SEMA5A: variants seen among roughly 807,000 people sequenced by gnomAD.
SEMA5A encodes the protein semaphorin-5A.
In SEMA5A, 55 loss-of-function variants were observed where a neutral mutation model predicts 135.5. The observed-to-expected ratio is 0.41, with a 90% CI of 0.33 to 0.51. SEMA5A has a LOEUF of 0.51. SEMA5A is among the 20% of genes least tolerant of loss of function. The probability of loss-of-function intolerance (pLI) is 0.37; values close to 1 mark genes in which losing one functional copy is unlikely to be tolerated. For synonymous variants in SEMA5A, 580 were observed against 546.5 expected (o/e 1.06, Z -0.85); for missense variants, 1,290 against 1,419.9 (o/e 0.91, Z 1.47).
intron 1 of SEMA5A, among the ~76,000 whole-genome samples, chr5:9,448,847 C>T (rs780177574): frequency 4.6e-5 from 7 of 152,192 alleles, no homozygotes; most frequent in Admixed American, 2.6e-4. Context: ...CTCCCATCAC[C>T]CTCCATTGTT....
chr5:9,444,775 G>A (rs562061045), intron 1 of SEMA5A, among the ~76,000 whole-genome samples: 53 of 152,218 alleles, frequency 3.5e-4, no homozygotes, highest in Non-Finnish European at 6.9e-4. Context: ...AGCGGAGTTA[G>A]AAAGAGATGG....
intron 1 of SEMA5A, among the ~76,000 whole-genome samples, chr5:9,534,989 A>G (rs1438422171): frequency 1.3e-5 from 2 of 152,196 alleles, no homozygotes; most frequent in African/African-American, 2.4e-5. Flanking sequence ...AAGCACCTAC[A>G]TTGACTCCTT....
intron 1 of SEMA5A, among the ~76,000 whole-genome samples, chr5:9,480,985 G>A (rs1161319040): frequency 6.6e-6 from 1 of 151,958 alleles, no homozygotes; most frequent in Non-Finnish European, 1.5e-5. Context: ...TCATTCTGTT[G>A]CCCAGGTTGG....
At chr5:9,542,268 G>T (rs569582636) in intron 1 of SEMA5A, among the ~76,000 whole-genome samples, 2 of 152,244 alleles carry the variant, frequency 1.3e-5, no homozygotes, top group African/African-American at 4.8e-5. Flanking sequence ...ACAGGAGATT[G>T]CCCCCTATCA....
At chr5:9,093,274 A>C (rs1579378969) in intron 16 of SEMA5A, among the ~76,000 whole-genome samples, 1 of 152,346 alleles carries the variant, frequency 6.6e-6, no homozygotes, top group East Asian at 1.9e-4. Flanking sequence ...AGTAAGATCA[A>C]CATGCTTTCT....
intron 2 of SEMA5A, among the ~76,000 whole-genome samples, chr5:9,425,455 G>A (rs2126641321): frequency 6.6e-6 from 1 of 152,292 alleles, no homozygotes. Flanking sequence ...CAATTTTCAA[G>A]AAAAGCAGTC....
intron 1 of SEMA5A, among the ~76,000 whole-genome samples, chr5:9,457,900 CTTTTTTT>C (rs70943966): frequency 2.9e-5 from 2 of 70,162 alleles, no homozygotes; most frequent in African/African-American, 6.1e-5. Context: ...AGCATCTCTC[CTTTTTTT>C]TTTTTTTTTT....
At chr5:9,167,968 T>C (rs983168342) in intron 11 of SEMA5A, among the ~76,000 whole-genome samples, 61 of 152,310 alleles carry the variant, frequency 4.0e-4, no homozygotes, top group African/African-American at 1.3e-3. Context: ...CTTTCAATTT[T>C]CCTGGTTATT....
chr5:9,539,636 A>C (rs1485364358), intron 1 of SEMA5A, among the ~76,000 whole-genome samples: 2 of 152,172 alleles, frequency 1.3e-5, no homozygotes, highest in Non-Finnish European at 2.9e-5. Context: ...TGGGACCAGA[A>C]GTATTTCAGA....
At chr5:9,366,049 A>G (rs953380837) in intron 3 of SEMA5A, among the ~76,000 whole-genome samples, 1 of 152,202 alleles carries the variant, frequency 6.6e-6, no homozygotes, top group Non-Finnish European at 1.5e-5. Flanking sequence ...TATTACCTGA[A>G]GTCAAAATAT....
intron 17 of SEMA5A, 59 bp downstream of exon 17, chr5:9,066,362 A>G (rs1247595880): frequency 6.6e-7 from 1 of 1,526,346 alleles, no homozygotes; most frequent in African/African-American, 1.4e-5. Context: ...ATGACCTTAG[A>G]GAAAAGATCA....
At chr5:9,290,080 G>GGTTATAT (rs763848294) in intron 5 of SEMA5A, among the ~76,000 whole-genome samples, 205 of 152,082 alleles carry the variant, frequency 1.3e-3, no homozygotes, top group Non-Finnish European at 2.1e-3. Flanking sequence ...TAGGTTTTTT[G>GGTTATAT]GAAACAGGTG....
chr5:9,475,855 G>C (rs1264475238), intron 1 of SEMA5A, among the ~76,000 whole-genome samples: 1 of 152,152 alleles, frequency 6.6e-6, no homozygotes, highest in Admixed American at 6.5e-5. Context: ...ACATATGGCA[G>C]TTATCTTTAA....
At chr5:9,234,338 T>C (rs1274930756) in intron 6 of SEMA5A, among the ~76,000 whole-genome samples, 2 of 152,192 alleles carry the variant, frequency 1.3e-5, no homozygotes, top group African/African-American at 4.8e-5. Flanking sequence ...TCAGCCAGCT[T>C]GGTCACATCA....
At chr5:9,534,263 A>AC (rs1402536839) in intron 1 of SEMA5A, among the ~76,000 whole-genome samples, 6 of 151,866 alleles carry the variant, frequency 4.0e-5, no homozygotes, top group African/African-American at 1.5e-4. Flanking sequence ...ACGCTGCCAC[A>AC]CCCCCAGTCA....
chr5:9,480,666 T>C (rs1475710112), intron 1 of SEMA5A, among the ~76,000 whole-genome samples: 1 of 152,142 alleles, frequency 6.6e-6, no homozygotes, highest in African/African-American at 2.4e-5. Context: ...TCCTGGAGCC[T>C]TCAGAGGAGG....
intron 13 of SEMA5A, among the ~76,000 whole-genome samples, chr5:9,128,853 A>G (rs1741254405): frequency 6.6e-6 from 1 of 152,108 alleles, no homozygotes. Flanking sequence ...AATTTGCTGT[A>G]GGGGCTGCCA....
chr5:9,473,274 G>T (rs1243742883), intron 1 of SEMA5A, among the ~76,000 whole-genome samples: 1 of 145,408 alleles, frequency 6.9e-6, no homozygotes, highest in Admixed American at 7.0e-5. Flanking sequence ...TCAAGTAAAT[G>T]ATTTACAATA....
intron 1 of SEMA5A, among the ~76,000 whole-genome samples, chr5:9,523,502 C>T (rs1736952329): frequency 6.6e-6 from 1 of 152,132 alleles, no homozygotes. Context: ...AAAAGCCAAA[C>T]AATTAAACAT....
Sources: allele counts gnomAD v4.1 joint callset (sites outside exome capture counted in the v4.1 genomes callset), GRCh38; gene constraint gnomAD v4.1.1; transcripts MANE v1.5; gene names NCBI Gene and HGNC (gene_info 2026-07-23, HGNC 2026-07-21).